LRRFIP1: variants seen among roughly 807,000 people sequenced by gnomAD.
The protein encoded by LRRFIP1 is leucine-rich repeat flightless-interacting protein 1.
Under a neutral mutation model 104.4 loss-of-function variants are expected in LRRFIP1, and 62 were observed. The ratio of observed to expected loss-of-function variants is 0.59; its 90% CI spans 0.48 to 0.73. The LOEUF is 0.73. Among genes scored for constraint, LRRFIP1 ranks in the 30% least tolerant of loss-of-function variants. The pLI is 0.00. For missense variants in LRRFIP1, 796 were observed against 824.5 expected (o/e 0.97, Z 0.42); for synonymous variants, 300 against 299.0 (o/e 1.00, Z -0.03).
chr2:237,743,092 A>G (rs1305664013), intron 11 of LRRFIP1, among the ~76,000 whole-genome samples: 3 of 152,186 alleles, frequency 2.0e-5, no homozygotes, highest in Non-Finnish European at 4.4e-5. Flanking sequence ...GGGATGGGAT[A>G]CAGTTGTTGT....
chr2:237,663,626 ACAGCT>A (rs1489052760), intron 1 of LRRFIP1, among the ~76,000 whole-genome samples: 2 of 152,206 alleles, frequency 1.3e-5, no homozygotes, highest in Non-Finnish European at 1.5e-5. Context: ...AGCAGCCTAA[ACAGCT>A]CAGCCTTAAT....
intron 23 of LRRFIP1, among the ~76,000 whole-genome samples, chr2:237,776,436 A>G (rs895288271): frequency 6.6e-6 from 1 of 152,216 alleles, no homozygotes; most frequent in African/African-American, 2.4e-5. Flanking sequence ...AAAATTCTGT[A>G]TACTTCCACT....
At chr2:237,710,118 C>G (rs965118834) in intron 2 of LRRFIP1, among the ~76,000 whole-genome samples, 8 of 152,090 alleles carry the variant, frequency 5.3e-5, no homozygotes, top group Non-Finnish European at 1.0e-4. Flanking sequence ...CTCCTGGCCT[C>G]CCAAAGTGCT....
rs902578039 is a variant in LRRFIP1 at position 237,739,020 on chromosome 2, C to T, written c.556-212C>T. Among the ~76,000 whole-genome samples the T allele has an allele frequency of 2.6e-5, 4 of 152,206 alleles. No homozygotes were observed. The South Asian group carries it at 8.3e-4, about 32-fold the overall frequency. On this transcript the variant is annotated intron_variant, in intron 10 of 23. Transcript: ENST00000308482. ...CCTAACTCTGAGAAATTCTGTGTTCCTCTGATAATGTGATTGGCTTTTTTA... is the reference window on the plus strand; with the variant it reads ...CCTAACTCTGAGAAATTCTGTGTTCTTCTGATAATGTGATTGGCTTTTTTA...
chr2:237,771,844 TCTC>T lies in LRRFIP1; in HGVS notation c.1510-231_1510-229del, dbSNP rs1381667057. ...AACATTGCAGGTATTTCATGTACAG[TCTC>T]CTCCTGAGTCCTAGAAGAATTTCAC... On this transcript the variant is annotated intron_variant, in intron 20 of 23. Transcript: ENST00000308482. The T allele has an allele frequency of 1.4e-5, 7 of 486,538 alleles. No individual in the cohort carries two copies. In the Admixed American group the frequency reaches 2.0e-4, roughly 14 times the overall value. The allele number at this position is 486,538 out of a possible 1,614,324, so 30.1% of individuals were successfully genotyped here.
chr2:237,668,799 TTATTA>T (rs776405378), intron 1 of LRRFIP1, among the ~76,000 whole-genome samples: 3 of 152,150 alleles, frequency 2.0e-5, no homozygotes, highest in Non-Finnish European at 4.4e-5. Context: ...AAGAAAATAT[TTATTA>T]TATTAAACGT....
At chr2:237,733,464 C>G (rs1179734949) in intron 8 of LRRFIP1, among the ~76,000 whole-genome samples, 1 of 152,198 alleles carries the variant, frequency 6.6e-6, no homozygotes, top group African/African-American at 2.4e-5. Flanking sequence ...ACCTTGTCAC[C>G]ATTCTGTCTC....
At position 237,692,268 on chromosome 2, in the gene LRRFIP1, C is replaced by T. The variant is rs1158155929; in HGVS notation, c.97-16276C>T. The T allele has an allele frequency of 1.0e-5, 12 of 1,161,970 alleles. No individual in the cohort carries two copies. The African/African-American group carries it at 1.9e-4, about 19-fold the overall frequency. The allele number at this position is 1,161,970 out of a possible 1,614,324, so 72.0% of individuals were successfully genotyped here. On this transcript the variant is annotated intron_variant, in intron 1 of 23. Transcript: ENST00000308482. ...TGCGCCCCGCCCCTGTCGGCCGCGC[C>T]CGAGCCCAGCGCCGCGAGCCGCTCC...
rs142681633 is a variant in LRRFIP1, at chr2:237,702,254, C to T, written c.97-6290C>T. 3.2e-4 allele frequency among the ~76,000 whole-genome samples: 48 copies of T among 152,260 alleles called. No homozygotes were observed. The East Asian group carries it at 8.9e-3, about 28-fold the overall frequency. ...CAACAATAGAACTCGAGTCGTGGTT[C>T]GGCTTTCTAGGATTAGGACAAGGAG... On this transcript the variant is annotated intron_variant, in intron 1 of 23. Transcript: ENST00000308482.
chr2:237,760,059 C>A lies in LRRFIP1; in HGVS notation c.1318-5C>A. 1 of 1,612,058 alleles carries A rather than the reference C, an allele frequency of 6.2e-7. No individual in the cohort carries two copies. Among genetic ancestry groups the A allele is most frequent in the South Asian group, 1.1e-5 (1 of 90,956 alleles). On this transcript the variant is annotated splice_region_variant and splice_polypyrimidine_tract_variant and intron_variant, in intron 18 of 23. Transcript: ENST00000308482. ...ATATTACGATGAGCCTATTTTTGTTCCCAGAAACATGGAATAATCCTAAAT... is the reference window on the plus strand; with the variant it reads ...ATATTACGATGAGCCTATTTTTGTTACCAGAAACATGGAATAATCCTAAAT...
intron 10 of LRRFIP1, among the ~76,000 whole-genome samples, chr2:237,736,629 T>C (rs2095256864): frequency 2.6e-5 from 4 of 152,170 alleles, no homozygotes; most frequent in Admixed American, 2.0e-4. Flanking sequence ...CCCTAGATCC[T>C]TGGCCTTCAT....
At chr2:237,708,783 T>C in intron 2 of LRRFIP1, 153 bp downstream of exon 2, 1 of 870,108 alleles carries the variant, frequency 1.1e-6, no homozygotes, top group Non-Finnish European at 1.9e-6. Context: ...CTGCCCAAGG[T>C]CAGGCCAGGA....
chr2:237,769,881 C>T lies in LRRFIP1; in HGVS notation c.1460-62C>T, dbSNP rs941877269. 4.3e-6 allele frequency: 5 copies of T among 1,159,680 alleles called. No homozygotes were observed. In the African/African-American group the frequency reaches 7.6e-5, roughly 18 times the overall value. 71.8% of individuals were successfully genotyped at this position (1,159,680 alleles called of 1,614,324 possible). A position where few individuals can be genotyped will look rare whatever the true frequency, so the allele number is the denominator to read the frequency against. ...CCTGAACGATCATTCTTCAGTTTAGCAATGTGCTGAAAGGCGCGGCACGCG... is the reference window on the plus strand; with the variant it reads ...CCTGAACGATCATTCTTCAGTTTAGTAATGTGCTGAAAGGCGCGGCACGCG... On this transcript the variant is annotated intron_variant, in intron 19 of 23. Coordinates refer to ENST00000308482, the MANE Select transcript of LRRFIP1 (RefSeq NM_001137550.2).
chr2:237,752,267 GT>G (rs1553697424), intron 14 of LRRFIP1, among the ~76,000 whole-genome samples: 1 of 152,198 alleles, frequency 6.6e-6, no homozygotes, highest in Non-Finnish European at 1.5e-5. Context: ...TTAGCCAGGT[GT>G]GGTGGTGCGC....
At chr2:237,644,722 G>T (rs2084588375) in intron 1 of LRRFIP1, among the ~76,000 whole-genome samples, 2 of 152,172 alleles carry the variant, frequency 1.3e-5, no homozygotes, top group Non-Finnish European at 2.9e-5. Context: ...ATCCATCTGG[G>T]ATCCACATTG....
chr2:237,685,945 T>C (rs1300737858), intron 1 of LRRFIP1, among the ~76,000 whole-genome samples: 6 of 152,240 alleles, frequency 3.9e-5, no homozygotes, highest in Non-Finnish European at 7.3e-5. Flanking sequence ...AGTGTTTTTC[T>C]AGTTGCAAAT....
In LRRFIP1 at chr2:237,722,569, T is replaced by C. The variant is rs573717964; in HGVS notation, c.346-979T>C. Among the ~76,000 whole-genome samples the C allele has an allele frequency of 3.3e-5, 5 of 152,302 alleles. No individual in the cohort carries two copies. The South Asian group carries it at 1.0e-3, about 32-fold the overall frequency. ...TTGTTTTAAGAGCTGAAATTTCCTATAGGATGTTCACCATTAGGACAGTAC... is the reference window on the plus strand; with the variant it reads ...TTGTTTTAAGAGCTGAAATTTCCTACAGGATGTTCACCATTAGGACAGTAC... On this transcript the variant is annotated intron_variant, in intron 6 of 23. Coordinates refer to ENST00000308482, the MANE Select transcript of LRRFIP1 (RefSeq NM_001137550.2).
rs192419061 is a variant in LRRFIP1 at position 237,702,226 on chromosome 2, A to G, written c.97-6318A>G. On this transcript the variant is annotated intron_variant, in intron 1 of 23. Coordinates refer to ENST00000308482, the MANE Select transcript of LRRFIP1 (RefSeq NM_001137550.2). ...TCATATTCACATATGGTAAAATAAGACGCAACAATAGAACTCGAGTCGTGG... is the reference window on the plus strand; with the variant it reads ...TCATATTCACATATGGTAAAATAAGGCGCAACAATAGAACTCGAGTCGTGG... 2.2e-4 allele frequency among the ~76,000 whole-genome samples: 33 copies of G among 152,334 alleles called. No individual in the cohort carries two copies. In the East Asian group the frequency reaches 6.4e-3, roughly 29 times the overall value.
intron 11 of LRRFIP1, among the ~76,000 whole-genome samples, chr2:237,742,089 A>G (rs2057172217): frequency 6.6e-6 from 1 of 152,230 alleles, no homozygotes; most frequent in African/African-American, 2.4e-5. Context: ...GTCATACGAA[A>G]TTGACCGAAG....
Sources: gnomAD v4.1 joint callset for allele counts (sites outside exome capture counted in the v4.1 genomes callset) on GRCh38, gnomAD v4.1.1 for gene constraint, MANE v1.5 for transcripts, NCBI Gene and HGNC (gene_info 2026-07-23, HGNC 2026-07-21) for gene names.